The following PTPRD variants were observed in gnomAD, a reference collection of about 807,000 sequenced individuals.
PTPRD encodes receptor-type tyrosine-protein phosphatase delta.
A neutral mutation model predicts 214.5 loss-of-function variants in PTPRD; 34 were observed. That is an observed-to-expected ratio of 0.16 (90% CI 0.12 to 0.21). PTPRD has a LOEUF of 0.21. PTPRD is among the 10% of genes least tolerant of loss of function. The pLI, the probability that PTPRD is intolerant of heterozygous loss-of-function variation, is 1.00. For missense variants in PTPRD, 2,545 were observed against 2,398.7 expected (o/e 1.06, Z -1.27); for synonymous variants, 1,128 against 845.7 (o/e 1.33, Z -5.79).
intron 9 of PTPRD, among the ~76,000 whole-genome samples, chr9:9,244,665 C>A (rs887848497): frequency 2.6e-5 from 4 of 152,072 alleles, no homozygotes; most frequent in African/African-American, 9.7e-5. Flanking sequence ...AAATGTTAGA[C>A]CAAAAACCAT....
chr9:9,651,492 G>C (rs1264078146), intron 7 of PTPRD, among the ~76,000 whole-genome samples: 2 of 152,058 alleles, frequency 1.3e-5, no homozygotes, highest in Non-Finnish European at 2.9e-5. Context: ...AGAACATGTG[G>C]TATTTGGTTT....
chr9:10,547,411 G>A (rs1000150783), intron 2 of PTPRD, among the ~76,000 whole-genome samples: 1 of 151,622 alleles, frequency 6.6e-6, no homozygotes, highest in East Asian at 1.9e-4. Flanking sequence ...GATACACAAA[G>A]ATGTTACCAT....
In PTPRD at chr9:8,979,852, C is replaced by G. The variant is rs185500239; in HGVS notation, c.-104+38845G>C. Reference sequence around the variant, plus strand: ...CTTCCTAAACAAATTACAGCAATTCCTCTTTTGGACATATACCCAAAGAAG... The same window carrying G: ...CTTCCTAAACAAATTACAGCAATTCGTCTTTTGGACATATACCCAAAGAAG... On this transcript the variant is annotated intron_variant, in intron 11 of 45. Transcript: ENST00000381196. 2.6e-5 allele frequency among the ~76,000 whole-genome samples: 4 copies of G among 152,166 alleles called. No individual in the cohort carries two copies. The East Asian group carries it at 7.8e-4, about 30-fold the overall frequency.
chr9:9,713,435 A>C (rs2154426678), intron 7 of PTPRD, among the ~76,000 whole-genome samples: 1 of 152,292 alleles, frequency 6.6e-6, no homozygotes, highest in African/African-American at 2.4e-5. Flanking sequence ...TGTGAGCCAT[A>C]ATTTTGTCCT....
In PTPRD at chr9:9,673,621, A is replaced by T. The variant is rs571684709; in HGVS notation, c.-287+60912T>A. Among the ~76,000 whole-genome samples, 378 of 151,860 alleles carry T rather than the reference A, an allele frequency of 2.5e-3. 2 individuals carry two copies. Among genetic ancestry groups the T allele is most frequent in the African/African-American group, 8.5e-3 (354 of 41,516 alleles). ...ATATATTGAGAATAGATGAATGAAA[A>T]ATAATATTTGATAAGATAACTAAAA... is the stretch of plus-strand genomic sequence containing the variant. On this transcript the variant is annotated intron_variant, in intron 7 of 45. Coordinates refer to ENST00000381196, the MANE Select transcript of PTPRD (RefSeq NM_002839.4).
chr9:9,464,689 A>T (rs886913961), intron 8 of PTPRD, among the ~76,000 whole-genome samples: 6 of 152,164 alleles, frequency 3.9e-5, no homozygotes, highest in Non-Finnish European at 8.8e-5. Flanking sequence ...CCACCCCGGG[A>T]ATCACATTAT....
At chr9:10,485,504 T>A (rs1443641674) in intron 2 of PTPRD, among the ~76,000 whole-genome samples, 1 of 152,122 alleles carries the variant, frequency 6.6e-6, no homozygotes, top group Non-Finnish European at 1.5e-5. Flanking sequence ...ATGGAGTATC[T>A]TTCCATGTTT....
At chr9:9,371,019 TTTTA>T (rs1275581937) in intron 9 of PTPRD, among the ~76,000 whole-genome samples, 1 of 152,192 alleles carries the variant, frequency 6.6e-6, no homozygotes, top group Non-Finnish European at 1.5e-5. Flanking sequence ...TTTGCCAGAA[TTTTA>T]TTGAGGATTT....
intron 5 of PTPRD, among the ~76,000 whole-genome samples, chr9:9,889,951 T>C (rs1235633410): frequency 6.6e-6 from 1 of 151,992 alleles, no homozygotes; most frequent in Non-Finnish European, 1.5e-5. Flanking sequence ...GGGTGAATTA[T>C]CAGCAATCTG....
At chr9:9,385,821 T>C (rs764962574) in intron 9 of PTPRD, among the ~76,000 whole-genome samples, 61 of 152,282 alleles carry the variant, frequency 4.0e-4, no homozygotes, top group Non-Finnish European at 6.0e-4. Flanking sequence ...ATCTTGTAAT[T>C]AAAGTGAACA....
At chr9:8,547,087 TAA>T (rs1163843412) in intron 14 of PTPRD, among the ~76,000 whole-genome samples, 1 of 152,164 alleles carries the variant, frequency 6.6e-6, no homozygotes, top group Non-Finnish European at 1.5e-5. Context: ...CTCTTTGAAA[TAA>T]AGTTATCATA....
intron 9 of PTPRD, among the ~76,000 whole-genome samples, chr9:9,202,284 A>T (rs1400564222): frequency 2.0e-5 from 3 of 152,212 alleles, no homozygotes; most frequent in African/African-American, 4.8e-5. Context: ...CTTTCTACAG[A>T]TTAACCCGAA....
At chr9:10,590,749 A>C (rs999480290) in intron 2 of PTPRD, among the ~76,000 whole-genome samples, 1 of 151,884 alleles carries the variant, frequency 6.6e-6, no homozygotes. Context: ...TCCTCTATAC[A>C]GGCACTCCCC....
chr9:9,662,625 G>A (rs897111081), intron 7 of PTPRD, among the ~76,000 whole-genome samples: 3 of 151,634 alleles, frequency 2.0e-5, no homozygotes, highest in African/African-American at 4.8e-5. Flanking sequence ...TTAATACTTC[G>A]ATAGATTCTA....
intron 14 of PTPRD, among the ~76,000 whole-genome samples, chr9:8,618,904 G>T (rs1374458119): frequency 2.2e-4 from 24 of 111,034 alleles, no homozygotes; most frequent in African/African-American, 7.8e-4. Flanking sequence ...GTGTTTGTCT[G>T]TGTTTTTTTG....
At chr9:9,779,792 C>T (rs1438996015) in intron 5 of PTPRD, among the ~76,000 whole-genome samples, 3 of 152,112 alleles carry the variant, frequency 2.0e-5, no homozygotes, top group Non-Finnish European at 4.4e-5. Context: ...CACAGTCTTA[C>T]CAGCTATGTA....
At position 10,478,909 on chromosome 9, in the gene PTPRD, A is replaced by G. The variant is rs540942950; in HGVS notation, c.-600+133489T>C. On this transcript the variant is annotated intron_variant, in intron 2 of 45. Transcript: ENST00000381196. Reference sequence around the variant, plus strand: ...GTGAGATCTTGAAATGAAATTTCAAACCTAAAATATAAATCTATTTATGTC... The same window carrying G: ...GTGAGATCTTGAAATGAAATTTCAAGCCTAAAATATAAATCTATTTATGTC... Among the ~76,000 whole-genome samples the G allele has an allele frequency of 2.9e-4, 44 of 152,128 alleles. No individual in the cohort carries two copies. The East Asian group carries it at 6.9e-3, about 24-fold the overall frequency.
intron 2 of PTPRD, among the ~76,000 whole-genome samples, chr9:10,392,615 T>C (rs1421341344): frequency 6.6e-6 from 1 of 151,860 alleles, no homozygotes; most frequent in African/African-American, 2.4e-5. Context: ...CTACACAATA[T>C]AATATGGGAT....
At chr9:9,176,035 C>T (rs761262297) in intron 10 of PTPRD, among the ~76,000 whole-genome samples, 6 of 152,174 alleles carry the variant, frequency 3.9e-5, no homozygotes, top group Non-Finnish European at 7.4e-5. Context: ...TGTGCAGCTA[C>T]CAAGCACCAA....
Sources: gnomAD v4.1 joint callset for allele counts (sites outside exome capture counted in the v4.1 genomes callset) on GRCh38, gnomAD v4.1.1 for gene constraint, MANE v1.5 for transcripts, NCBI Gene and HGNC (gene_info 2026-07-23, HGNC 2026-07-21) for gene names.